APBB2: variants seen among roughly 807,000 people sequenced by gnomAD.
APBB2 encodes Fe65-like 1.
A neutral mutation model predicts 82.5 loss-of-function variants in APBB2; 38 were observed. The ratio of observed to expected loss-of-function variants is 0.46; its 90% CI spans 0.36 to 0.60. The LOEUF is 0.60. Among genes scored for constraint, APBB2 ranks in the 20% least tolerant of loss-of-function variants. APBB2 has a pLI of 0.00. For synonymous variants in APBB2, 341 were observed against 368.2 expected (o/e 0.93, Z 0.85); for missense variants, 772 against 972.3 (o/e 0.79, Z 2.74).
chr4:40,960,153 GGGA>G (rs1792700291), intron 6 of APBB2, among the ~76,000 whole-genome samples: 1 of 152,024 alleles, frequency 6.6e-6, no homozygotes, highest in Admixed American at 6.6e-5. Context: ...ACTATGGATG[GGGA>G]GGAGGAGTAC....
chr4:41,039,429 C>T (rs1393687771), intron 4 of APBB2, among the ~76,000 whole-genome samples: 1 of 152,210 alleles, frequency 6.6e-6, no homozygotes, highest in African/African-American at 2.4e-5. Flanking sequence ...TACTTAATGT[C>T]TGGAAGCCTA....
intron 12 of APBB2, among the ~76,000 whole-genome samples, chr4:40,838,711 C>T (rs910609620): frequency 3.9e-5 from 6 of 152,090 alleles, no homozygotes; most frequent in Non-Finnish European, 7.4e-5. Context: ...TCAAGTGATC[C>T]GCCCACCTCA....
In APBB2 at chr4:40,996,992, A is replaced by T. The variant is rs112417953; in HGVS notation, c.835+16591T>A. On this transcript the variant is annotated intron_variant, in intron 6 of 17. Coordinates refer to ENST00000508593, the MANE Select transcript of APBB2 (RefSeq NM_004307.2). ...GGAACTCAACCATCAAGCCTCCCAG[A>T]TAGCATGAAGGAGCTGAAACTTACA... 6.2e-3 allele frequency among the ~76,000 whole-genome samples: 951 copies of T among 152,260 alleles called. 7 individuals are homozygous for T. The highest frequency in any genetic ancestry group is 0.011 in the Non-Finnish European group (734 of 68,014).
intron 4 of APBB2, among the ~76,000 whole-genome samples, chr4:41,061,324 T>C (rs149592705): frequency 1.3e-4 from 20 of 152,368 alleles, no homozygotes; most frequent in South Asian, 2.1e-4. Context: ...GGCGATTTCA[T>C]TGCTGTGCAA....
chr4:40,898,537 T>TA, intron 10 of APBB2, among the ~76,000 whole-genome samples: 1 of 151,672 alleles, frequency 6.6e-6, no homozygotes. Flanking sequence ...AGTGCTGGGA[T>TA]TATAGGCATT....
chr4:41,165,039 A>G (rs2154045656), intron 1 of APBB2, among the ~76,000 whole-genome samples: 1 of 152,346 alleles, frequency 6.6e-6, no homozygotes, highest in South Asian at 2.1e-4. Flanking sequence ...CATCACAGCA[A>G]TAAACCACTT....
intron 4 of APBB2, among the ~76,000 whole-genome samples, chr4:41,063,236 T>C (rs1452700819): frequency 6.6e-6 from 1 of 152,224 alleles, no homozygotes; most frequent in Non-Finnish European, 1.5e-5. Flanking sequence ...TCACAGATAT[T>C]TTAGGCTTTG....
chr4:40,847,492 C>T (rs1207252875), intron 12 of APBB2, among the ~76,000 whole-genome samples: 1 of 152,108 alleles, frequency 6.6e-6, no homozygotes, highest in African/African-American at 2.4e-5. Flanking sequence ...CACCTTGACA[C>T]CAGAAGGCTC....
rs539814617 is a variant in APBB2, at chr4:40,995,592, G to A, written c.835+17991C>T. Among the ~76,000 whole-genome samples, 86 of 150,932 alleles carry A rather than the reference G, an allele frequency of 5.7e-4. 1 individual carries two copies. In the South Asian group the frequency reaches 0.017, roughly 30 times the overall value. ...ACAGACTCACTTTGTTGCCCAGGCTGCAGTGCAGTGGCACAAACACAGCTC... is the reference window on the plus strand; with the variant it reads ...ACAGACTCACTTTGTTGCCCAGGCTACAGTGCAGTGGCACAAACACAGCTC... On this transcript the variant is annotated intron_variant, in intron 6 of 17. Transcript: ENST00000508593.
At chr4:41,137,035 T>C (rs894136229) in intron 2 of APBB2, among the ~76,000 whole-genome samples, 9 of 152,192 alleles carry the variant, frequency 5.9e-5, no homozygotes, top group Non-Finnish European at 8.8e-5. Context: ...AGAATCATAC[T>C]AATACAAAGA....
chr4:41,049,106 G>A (rs1168831266), intron 4 of APBB2, among the ~76,000 whole-genome samples: 19 of 150,714 alleles, frequency 1.3e-4, no homozygotes, highest in South Asian at 1.1e-3. Flanking sequence ...AGTGAGGAGC[G>A]TCTCTGCCTG....
At chr4:41,024,012 G>A (rs919318821) in intron 5 of APBB2, among the ~76,000 whole-genome samples, 5 of 152,072 alleles carry the variant, frequency 3.3e-5, no homozygotes, top group African/African-American at 1.2e-4. Context: ...AGAATAGAGA[G>A]CCCAGAAATA....
chr4:40,829,111 A>C (rs1433814201), intron 13 of APBB2, among the ~76,000 whole-genome samples: 2 of 152,198 alleles, frequency 1.3e-5, no homozygotes, highest in African/African-American at 4.8e-5. Flanking sequence ...TGGCTAAAAG[A>C]AGCTTGTGCC....
chr4:40,842,299 G>C (rs970855661), intron 12 of APBB2: 2 of 430,922 alleles, frequency 4.6e-6, no homozygotes, highest in African/African-American at 4.0e-5. Context: ...GCGACATGAA[G>C]AAAGCAAGTG....
At chr4:41,199,216 C>T (rs1776091524) in intron 1 of APBB2, among the ~76,000 whole-genome samples, 1 of 152,142 alleles carries the variant, frequency 6.6e-6, no homozygotes. Flanking sequence ...CAGAGATGCA[C>T]AGAGATAACT....
In APBB2 at chr4:40,811,520, C is replaced by CAGCCTAGGCGA. The variant is rs1744401860; in HGVS notation, c.*4571_*4572insTCGCCTAGGCT. ...TGAGCTGAAATTACACCACTGCACT[C>CAGCCTAGGCGA]CAGAGTAAGACTCCTCTGTCTGAAG... On this transcript the variant is annotated 3_prime_UTR_variant, in exon 18 of 18. Transcript: ENST00000508593. 1.3e-5 allele frequency: 2 copies of CAGCCTAGGCGA among 149,626 alleles called. No homozygotes were observed. The highest frequency in any genetic ancestry group is 1.5e-5 in the Non-Finnish European group (1 of 67,500). 9.3% of individuals were successfully genotyped at this position (149,626 alleles called of 1,614,324 possible).
Position 41,051,895 on chromosome 4 carries a change from G to A in APBB2, c.-51+13681C>T, listed in dbSNP as rs150008416. 6.9e-3 allele frequency among the ~76,000 whole-genome samples: 1,044 copies of A among 152,212 alleles called. 23 individuals carry two copies. Among genetic ancestry groups the A allele is most frequent in the Admixed American group, 0.026 (394 of 15,286 alleles). ...TCTTTAGGTAAGTCAGCTAACCTCC[G>A]TTTCCTCCACTGTAAAATGGAGATA... On this transcript the variant is annotated intron_variant, in intron 4 of 17. Transcript: ENST00000508593.
chr4:40,976,852 C>A (rs1202823493), intron 6 of APBB2, among the ~76,000 whole-genome samples: 2 of 151,988 alleles, frequency 1.3e-5, no homozygotes, highest in Non-Finnish European at 1.5e-5. Flanking sequence ...TCAGCCTGAG[C>A]AACATGGGCA....
chr4:40,995,410 C>A (rs1012491767), intron 6 of APBB2, among the ~76,000 whole-genome samples: 2 of 152,026 alleles, frequency 1.3e-5, no homozygotes, highest in Non-Finnish European at 2.9e-5. Context: ...GAGTCTTGCT[C>A]TGTTGCTCAG....
Sources: allele counts gnomAD v4.1 joint callset (sites outside exome capture counted in the v4.1 genomes callset), GRCh38; gene constraint gnomAD v4.1.1; transcripts MANE v1.5; gene names NCBI Gene and HGNC (gene_info 2026-07-23, HGNC 2026-07-21).